Variants in KALRN observed in about 807,000 individuals in gnomAD.
The protein encoded by KALRN is kalirin.
A neutral mutation model predicts 353.7 loss-of-function variants in KALRN; 70 were observed. That is an observed-to-expected ratio of 0.20 (90% CI 0.16 to 0.24). KALRN has a LOEUF of 0.24. Ranked by LOEUF, KALRN falls within the 10% of genes least tolerant of loss-of-function variation. The pLI is 1.00. For missense variants in KALRN, 2,791 were observed against 3,756.7 expected, an observed-to-expected ratio of 0.74 and a Z score of 6.72; for synonymous variants, 1,391 against 1,434.8, an observed-to-expected ratio of 0.97 and a Z score of 0.69.
intron 6 of KALRN, among the ~76,000 whole-genome samples, chr3:124,304,872 G>A (rs539472718): frequency 3.3e-5 from 5 of 152,166 alleles, no homozygotes; most frequent in African/African-American, 4.8e-5. Flanking sequence ...CCCAAACTAC[G>A]TGTTGCTGAA....
chr3:124,445,268 T>G (rs1284862959), intron 19 of KALRN, among the ~76,000 whole-genome samples: 1 of 152,218 alleles, frequency 6.6e-6, no homozygotes, highest in Admixed American at 6.5e-5. Flanking sequence ...GTATGTGATA[T>G]TCATATGGTT....
At chr3:124,218,589 G>A (rs1358965768) in intron 1 of KALRN, among the ~76,000 whole-genome samples, 1 of 152,154 alleles carries the variant, frequency 6.6e-6, no homozygotes, top group Non-Finnish European at 1.5e-5. Flanking sequence ...AGCACTTTAG[G>A]TAACCTGGTG....
At chr3:124,521,459 G>A (rs969469279) in intron 33 of KALRN, among the ~76,000 whole-genome samples, 2 of 152,162 alleles carry the variant, frequency 1.3e-5, no homozygotes, top group East Asian at 3.9e-4. Flanking sequence ...AGCAAGTTAG[G>A]GCCAGAATAA....
At chr3:124,322,425 A>G (rs2149379505) in intron 6 of KALRN, among the ~76,000 whole-genome samples, 1 of 152,334 alleles carries the variant, frequency 6.6e-6, no homozygotes. Context: ...AGTGATTTTA[A>G]TGCCCTTGAC....
chr3:124,256,608 G>T (rs1394398384), intron 3 of KALRN, among the ~76,000 whole-genome samples: 2 of 152,232 alleles, frequency 1.3e-5, no homozygotes, highest in Admixed American at 6.5e-5. Flanking sequence ...TAGTGAAAAC[G>T]ATCAGTTGTG....
At chr3:124,229,650 G>A (rs1367989621) in intron 2 of KALRN, among the ~76,000 whole-genome samples, 1 of 152,256 alleles carries the variant, frequency 6.6e-6, no homozygotes, top group African/African-American at 2.4e-5. Flanking sequence ...GGGAAGTTAA[G>A]CAGCAGTTGT....
intron 1 of KALRN, among the ~76,000 whole-genome samples, chr3:124,147,650 A>ATCAGACTAGGAAATAATCC (rs2067534528): frequency 1.3e-5 from 2 of 152,254 alleles, no homozygotes; most frequent in African/African-American, 4.8e-5. Context: ...GTAGTACAAT[A>ATCAGACTAGGAAATAATCC]TCAGACTAGG....
intron 33 of KALRN, 132 bp downstream of exon 33, chr3:124,496,545 C>A: frequency 2.9e-6 from 2 of 680,880 alleles, no homozygotes; most frequent in Non-Finnish European, 5.2e-6. Context: ...TTGTGCCAGC[C>A]AAGGAGGAAA....
At chr3:124,085,304 T>C (rs2060753597) in intron 1 of KALRN, among the ~76,000 whole-genome samples, 2 of 152,180 alleles carry the variant, frequency 1.3e-5, no homozygotes, top group Non-Finnish European at 2.9e-5. Context: ...CACTGCCCCT[T>C]GGTTAGAGCT....
chr3:124,642,874 T>C (rs1003932565), intron 37 of KALRN, among the ~76,000 whole-genome samples: 9 of 144,332 alleles, frequency 6.2e-5, no homozygotes, highest in Non-Finnish European at 7.5e-5. Context: ...TGGAGTGCAA[T>C]GGCGTGATCA....
chr3:124,338,231 G>T (rs1036655440), intron 9 of KALRN, among the ~76,000 whole-genome samples: 1 of 152,106 alleles, frequency 6.6e-6, no homozygotes, highest in Admixed American at 6.6e-5. Context: ...TGATGTTACA[G>T]TGTCAATTTT....
chr3:124,113,193 G>A (rs565192128), intron 1 of KALRN, among the ~76,000 whole-genome samples: 1 of 152,314 alleles, frequency 6.6e-6, no homozygotes, highest in African/African-American at 2.4e-5. Flanking sequence ...CACTGGGCAT[G>A]TCACAGCCTC....
chr3:124,679,202 C>T (rs927332865), intron 50 of KALRN, among the ~76,000 whole-genome samples: 1 of 152,246 alleles, frequency 6.6e-6, no homozygotes, highest in African/African-American at 2.4e-5. Flanking sequence ...AATTCGACAA[C>T]ACTCATGCTT....
chr3:124,265,295 A>ATTTTTTTTTTTTTTTTTTTTTTTTT (rs1465968614), intron 4 of KALRN, among the ~76,000 whole-genome samples: 3 of 61,092 alleles, frequency 4.9e-5, no homozygotes, highest in Non-Finnish European at 7.0e-5. Flanking sequence ...TTAAGAAAAT[A>ATTTTTTTTTTTTTTTTTTTTTTTTT]TTCTTTTTTT....
Position 124,084,931 on chromosome 3 carries a change from C to A in KALRN, c.73+51118C>A, listed in dbSNP as rs114779650. On this transcript the variant is annotated intron_variant, in intron 1 of 59. Coordinates refer to ENST00000682506, the MANE Select transcript of KALRN (RefSeq NM_001388419.1). ...GCAGCTGTTTGGAGCCACAGCTCCA[C>A]CTGTGAGGGCCCCCTTCCCCTCCCT... 6.6e-3 allele frequency among the ~76,000 whole-genome samples: 1,012 copies of A among 152,310 alleles called. 11 individuals carry two copies. The highest frequency in any genetic ancestry group is 0.023 in the African/African-American group (958 of 41,570).
chr3:124,275,494 T>TTTTG (rs923949607), intron 5 of KALRN, among the ~76,000 whole-genome samples: 1 of 152,184 alleles, frequency 6.6e-6, no homozygotes, highest in African/African-American at 2.4e-5. Flanking sequence ...TCCCTTGAGG[T>TTTTG]TTTGTTTGTT....
At chr3:124,359,556 G>T (rs1297035003) in intron 10 of KALRN, among the ~76,000 whole-genome samples, 1 of 152,122 alleles carries the variant, frequency 6.6e-6, no homozygotes, top group Non-Finnish European at 1.5e-5. Context: ...ATAGCATTTG[G>T]GGTCAATCTG....
At chr3:124,616,682 C>T (rs1357636397) in intron 34 of KALRN, among the ~76,000 whole-genome samples, 1 of 152,110 alleles carries the variant, frequency 6.6e-6, no homozygotes, top group Non-Finnish European at 1.5e-5. Context: ...TCTTAAGGAA[C>T]TGGCCAGGCG....
chr3:124,292,951 A>T (rs762367546), intron 5 of KALRN, among the ~76,000 whole-genome samples: 20 of 152,224 alleles, frequency 1.3e-4, no homozygotes, highest in Non-Finnish European at 7.3e-5. Context: ...ATTTCAGACC[A>T]ATGATAAAAC....
Sources: gnomAD v4.1 joint callset for allele counts (sites outside exome capture counted in the v4.1 genomes callset) on GRCh38, gnomAD v4.1.1 for gene constraint, MANE v1.5 for transcripts, NCBI Gene and HGNC (gene_info 2026-07-23, HGNC 2026-07-21) for gene names.